Variants in BCR observed in about 807,000 individuals in gnomAD.
BCR encodes the protein breakpoint cluster region protein.
In BCR, 58 loss-of-function variants were observed where a neutral mutation model predicts 138.6. The ratio of observed to expected loss-of-function variants is 0.42; its 90% CI spans 0.34 to 0.52. The LOEUF is 0.52. Among genes scored for constraint, BCR ranks in the 20% least tolerant of loss-of-function variants. The pLI is 0.06. For missense variants in BCR, 1,599 were observed against 1,727.2 expected, an observed-to-expected ratio of 0.93 and a Z score of 1.32; for synonymous variants, 786 against 730.1, an observed-to-expected ratio of 1.08 and a Z score of -1.23.
rs142531774 is a variant in BCR at position 23,300,743 on chromosome 22, G to A, written c.3012+5588G>A. Among the ~76,000 whole-genome samples the A allele has an allele frequency of 6.6e-5, 10 of 152,292 alleles. No homozygotes were observed. In the East Asian group the frequency reaches 1.9e-3, roughly 29 times the overall value. ...CTGGTCAGGTGCCCACATAACCCAG[G>A]CTGGCAGAGAAGTCTGGGAAACTCC... On this transcript the variant is annotated intron_variant, in intron 16 of 22. Transcript: ENST00000305877.
intron 2 of BCR, chr22:23,254,392 C>A: frequency 2.1e-6 from 1 of 483,010 alleles, no homozygotes; most frequent in African/African-American, 1.9e-5. Flanking sequence ...GTGACCAGAG[C>A]CTTTCCTGTG....
chr22:23,188,066 C>T (rs1359343973), intron 1 of BCR, among the ~76,000 whole-genome samples: 1 of 152,174 alleles, frequency 6.6e-6, no homozygotes, highest in Non-Finnish European at 1.5e-5. Flanking sequence ...GAAAGGTCAC[C>T]TGGGCCTGGA....
chr22:23,204,799 CG>C (rs1202747645), intron 1 of BCR, among the ~76,000 whole-genome samples: 1 of 152,100 alleles, frequency 6.6e-6, no homozygotes, highest in African/African-American at 2.4e-5. Context: ...CTGCCGTCCG[CG>C]TGGATGGGGG....
At position 23,194,045 on chromosome 22, in the gene BCR, G is replaced by A. The variant is rs557907183; in HGVS notation, c.1279+11806G>A. ...TGGTTGTGCTGGGCTCAGAGCCGCC[G>A]TCTGACTGGTTGGAAGCCCTGCTCT... On this transcript the variant is annotated intron_variant, in intron 1 of 22. Transcript: ENST00000305877. Among the ~76,000 whole-genome samples, 39 of 152,346 alleles carry A rather than the reference G, an allele frequency of 2.6e-4. 1 individual carries two copies. In the South Asian group the frequency reaches 5.8e-3, roughly 23 times the overall value.
intron 10 of BCR, among the ~76,000 whole-genome samples, chr22:23,286,034 G>C (rs1333400170): frequency 2.0e-5 from 3 of 152,198 alleles, no homozygotes; most frequent in African/African-American, 7.2e-5. Context: ...TTGCCGTGTG[G>C]TTCCATTACA....
At chr22:23,315,353 C>A in intron 22 of BCR, 80 bp from the exon 23 acceptor site, 3 of 1,331,068 alleles carry the variant, frequency 2.3e-6, no homozygotes, top group South Asian at 1.2e-5. Flanking sequence ...GACTTGGAGG[C>A]TTGGGCCCCA....
At chr22:23,218,931 C>T (rs77246116) in intron 1 of BCR, among the ~76,000 whole-genome samples, 1,727 of 152,370 alleles carry the variant, frequency 0.011, 33 homozygotes, top group African/African-American at 0.04. Flanking sequence ...CAGCCCGGCC[C>T]TGCTCAGGGA....
intron 1 of BCR, among the ~76,000 whole-genome samples, chr22:23,233,051 C>T (rs374734280): frequency 6.6e-6 from 1 of 152,370 alleles, no homozygotes; most frequent in Non-Finnish European, 1.5e-5. Flanking sequence ...ATAGAAGCAT[C>T]TTTCCAGACA....
chr22:23,307,662 C>T (rs910734948), intron 16 of BCR: 1 of 151,962 alleles, frequency 6.6e-6, no homozygotes, highest in Non-Finnish European at 1.5e-5. Flanking sequence ...GGCCGCATGG[C>T]CCCCGGTGGG....
rs769486861 is a variant in BCR at position 23,290,304 on chromosome 22, A to G, written c.2708-35A>G. ...TTGTCACCTGCCTCCCTTTCCCGGG[A>G]CAACAGAAGCTGACCTCTTTGATCT... is the stretch of plus-strand genomic sequence containing the variant. On this transcript the variant is annotated intron_variant, in intron 13 of 22. Transcript: ENST00000305877. The G allele has an allele frequency of 9.5e-5, 152 of 1,597,698 alleles. 1 individual carries two copies. The Middle Eastern group carries it at 2.2e-3, about 23-fold the overall frequency.
At chr22:23,239,040 T>C (rs2073058468) in intron 1 of BCR, among the ~76,000 whole-genome samples, 1 of 152,158 alleles carries the variant, frequency 6.6e-6, no homozygotes. Context: ...ACCTTCTCAG[T>C]CTGTCTCCAG....
intron 12 of BCR, among the ~76,000 whole-genome samples, chr22:23,288,960 C>T (rs73152652): frequency 0.01 from 1,552 of 152,288 alleles, 14 homozygotes; most frequent in Non-Finnish European, 0.016. Flanking sequence ...AGCCACCTCT[C>T]GGCCCCCAAT....
chr22:23,180,814 GGA>G lies in BCR; in HGVS notation c.-145_-144del. ...CCCGCTCCGCCTCACCTGCCACCAG[GGA>G]GTGGGCGGGCATTGTTCGCCGCCGC... On this transcript the variant is annotated 5_prime_UTR_variant, in exon 1 of 23. Coordinates refer to ENST00000305877, the MANE Select transcript of BCR (RefSeq NM_004327.4). The G allele has an allele frequency of 3.4e-6, 1 of 294,138 alleles. No homozygotes were observed. The highest frequency in any genetic ancestry group is 5.0e-6 in the Non-Finnish European group (1 of 201,566). The allele number at this position is 294,138 out of a possible 1,614,324, so 18.2% of individuals were successfully genotyped here. A position where few individuals can be genotyped will look rare whatever the true frequency, so the allele number is the denominator to read the frequency against.
chr22:23,229,860 G>C (rs2072935649), intron 1 of BCR, among the ~76,000 whole-genome samples: 1 of 152,182 alleles, frequency 6.6e-6, no homozygotes, highest in East Asian at 1.9e-4. Flanking sequence ...CTATTTGGTG[G>C]CGCTTGGTTA....
intron 8 of BCR, 30 bp from the exon 9 acceptor site, chr22:23,283,947 C>G (rs12484271): frequency 5.8e-6 from 9 of 1,564,962 alleles, no homozygotes; most frequent in Non-Finnish European, 6.1e-6. Flanking sequence ...CCCAGGCTGG[C>G]CCTGACCCCA....
At position 23,313,437 on chromosome 22, in the gene BCR, C is replaced by T. The variant is rs536775576; in HGVS notation, c.3457+416C>T. Among the ~76,000 whole-genome samples the T allele has an allele frequency of 3.2e-4, 48 of 152,340 alleles. 3 individuals are homozygous for T. In the South Asian group the frequency reaches 9.5e-3, roughly 30 times the overall value. On this transcript the variant is annotated intron_variant, in intron 20 of 22. Coordinates refer to ENST00000305877, the MANE Select transcript of BCR (RefSeq NM_004327.4). ...TGTCTAGAGTGGGTGCTGGTGTGTG[C>T]AGTACCTGTGGCCTCTGCATCACCC...
Position 23,180,803 on chromosome 22 carries a change from C to A in BCR, c.-158C>A. 3.8e-6 allele frequency: 1 copy of A among 262,048 alleles called. No homozygotes were observed. The highest frequency in any genetic ancestry group is 5.8e-6 in the Non-Finnish European group (1 of 171,848). The allele number at this position is 262,048 out of a possible 1,614,324, so 16.2% of individuals were successfully genotyped here. ...GCGCCGAGCGCCCCGCTCCGCCTCA[C>A]CTGCCACCAGGGAGTGGGCGGGCAT... On this transcript the variant is annotated 5_prime_UTR_variant, in exon 1 of 23. Coordinates refer to ENST00000305877, the MANE Select transcript of BCR (RefSeq NM_004327.4).
intron 16 of BCR, among the ~76,000 whole-genome samples, chr22:23,304,863 C>T (rs1018688627): frequency 2.1e-4 from 32 of 152,070 alleles, no homozygotes; most frequent in Admixed American, 7.9e-4. Context: ...GCCTGTAATC[C>T]CAGCACTTTA....
chr22:23,216,755 G>A (rs957414139), intron 1 of BCR, among the ~76,000 whole-genome samples: 3 of 152,356 alleles, frequency 2.0e-5, no homozygotes, highest in East Asian at 1.9e-4. Flanking sequence ...TGGCCTAACC[G>A]TTGTAGCTAA....
Sources: gnomAD v4.1 joint callset for allele counts (sites outside exome capture counted in the v4.1 genomes callset) on GRCh38, gnomAD v4.1.1 for gene constraint, MANE v1.5 for transcripts, NCBI Gene and HGNC (gene_info 2026-07-23, HGNC 2026-07-21) for gene names.